The following GLRA3 variants were observed in gnomAD, a reference collection of about 807,000 sequenced individuals.
The protein encoded by GLRA3 is glycine receptor subunit alpha-3.
A neutral mutation model predicts 60.4 loss-of-function variants in GLRA3; 44 were observed. The ratio of observed to expected loss-of-function variants is 0.73; its 90% CI spans 0.57 to 0.94. The LOEUF is 0.94. Among genes scored for constraint, GLRA3 ranks in the 40% least tolerant of loss-of-function variants. GLRA3 has a pLI of 0.00. For synonymous variants in GLRA3, 223 were observed against 192.9 expected (o/e 1.16, Z -1.29); for missense variants, 508 against 564.6 (o/e 0.90, Z 1.02).
At chr4:174,794,631 G>A (rs1248829606) in intron 1 of GLRA3, among the ~76,000 whole-genome samples, 2 of 152,084 alleles carry the variant, frequency 1.3e-5, no homozygotes, top group East Asian at 1.9e-4. Context: ...GATAGTTATT[G>A]TTTAAATATG....
chr4:174,746,322 T>C (rs1366945985), intron 3 of GLRA3, among the ~76,000 whole-genome samples: 1 of 152,128 alleles, frequency 6.6e-6, no homozygotes, highest in African/African-American at 2.4e-5. Flanking sequence ...TAAAAAAAGT[T>C]TGAAATAATT....
chr4:174,767,155 C>G (rs1579573947), intron 2 of GLRA3, 125 bp from the exon 3 acceptor site: 7 of 445,068 alleles, frequency 1.6e-5, no homozygotes, highest in Non-Finnish European at 2.8e-5. Context: ...CACACACACA[C>G]AGATGCTTAA....
chr4:174,688,009 A>T (rs1237155478), intron 5 of GLRA3, among the ~76,000 whole-genome samples: 7 of 152,006 alleles, frequency 4.6e-5, no homozygotes. Flanking sequence ...AAAACAAAAC[A>T]AAACGAAAAC....
chr4:174,671,672 C>T (rs1253916402), intron 7 of GLRA3, among the ~76,000 whole-genome samples: 1 of 151,962 alleles, frequency 6.6e-6, no homozygotes, highest in African/African-American at 2.4e-5. Context: ...TTTTTTGAGA[C>T]AGAGTCTCAT....
intron 1 of GLRA3, among the ~76,000 whole-genome samples, chr4:174,818,351 T>C (rs1044178155): frequency 3.3e-5 from 5 of 152,218 alleles, no homozygotes; most frequent in African/African-American, 1.2e-4. Context: ...TTTTCCAGTG[T>C]AATATTTGAT....
intron 9 of GLRA3, among the ~76,000 whole-genome samples, chr4:174,647,656 G>C (rs547227003): frequency 6.6e-6 from 1 of 152,006 alleles, no homozygotes; most frequent in Non-Finnish European, 1.5e-5. Flanking sequence ...CCATGTGTGT[G>C]ATTTTAATTT....
chr4:174,809,168 A>G (rs1359000506), intron 1 of GLRA3, among the ~76,000 whole-genome samples: 2 of 152,190 alleles, frequency 1.3e-5, no homozygotes, highest in Non-Finnish European at 2.9e-5. Flanking sequence ...TTCTATGTTT[A>G]GATATGTTTA....
chr4:174,676,833 A>G (rs2110952872), intron 7 of GLRA3, among the ~76,000 whole-genome samples: 1 of 152,280 alleles, frequency 6.6e-6, no homozygotes, highest in East Asian at 1.9e-4. Flanking sequence ...GTATAAGAGT[A>G]TTATTGATAT....
At chr4:174,656,468 A>G (rs1022454445) in intron 9 of GLRA3, among the ~76,000 whole-genome samples, 1 of 152,096 alleles carries the variant, frequency 6.6e-6, no homozygotes, top group Non-Finnish European at 1.5e-5. Context: ...TCTCTTTAAC[A>G]TATATTTTTA....
At chr4:174,738,706 T>A (rs890109644) in intron 3 of GLRA3, among the ~76,000 whole-genome samples, 1 of 152,228 alleles carries the variant, frequency 6.6e-6, no homozygotes. Context: ...GCTTGCTATT[T>A]ATACTCGAAT....
intron 3 of GLRA3, among the ~76,000 whole-genome samples, chr4:174,745,418 G>A (rs1737204513): frequency 1.3e-5 from 2 of 152,064 alleles, no homozygotes; most frequent in Admixed American, 1.3e-4. Context: ...CACCCCTAAA[G>A]TAGTTACCGT....
chr4:174,804,369 T>G (rs1473097077), intron 1 of GLRA3, among the ~76,000 whole-genome samples: 2 of 152,132 alleles, frequency 1.3e-5, no homozygotes, highest in African/African-American at 4.8e-5. Flanking sequence ...TACCTGATCA[T>G]GTAGTGCCTT....
chr4:174,741,190 G>A (rs66758600), intron 3 of GLRA3, among the ~76,000 whole-genome samples: 29,302 of 152,102 alleles, frequency 0.19, 3,184 homozygotes, highest in Admixed American at 0.26. Flanking sequence ...TTGCACTTCC[G>A]TCAATTATAT....
intron 1 of GLRA3, among the ~76,000 whole-genome samples, chr4:174,812,821 T>G (rs1362258974): frequency 6.6e-6 from 1 of 152,192 alleles, no homozygotes; most frequent in African/African-American, 2.4e-5. Context: ...TTCTCTCCTT[T>G]TCTCACCCTT....
intron 5 of GLRA3, among the ~76,000 whole-genome samples, chr4:174,691,545 C>T (rs1734805306): frequency 6.6e-6 from 1 of 152,222 alleles, no homozygotes; most frequent in Non-Finnish European, 1.5e-5. Flanking sequence ...GCGCGCGCCG[C>T]CACGCCTGAC....
At chr4:174,660,688 A>C (rs1410485070) in intron 7 of GLRA3, among the ~76,000 whole-genome samples, 1 of 152,222 alleles carries the variant, frequency 6.6e-6, no homozygotes, top group African/African-American at 2.4e-5. Flanking sequence ...TATTACAATG[A>C]TGGTTACTCA....
intron 7 of GLRA3, among the ~76,000 whole-genome samples, chr4:174,668,214 C>T (rs1489321065): frequency 6.6e-6 from 1 of 152,136 alleles, no homozygotes; most frequent in African/African-American, 2.4e-5. Flanking sequence ...AATTAATCCT[C>T]TTTTCTTTAT....
chr4:174,678,856 A>G (rs1734228998), intron 6 of GLRA3, among the ~76,000 whole-genome samples: 1 of 152,202 alleles, frequency 6.6e-6, no homozygotes, highest in South Asian at 2.1e-4. Flanking sequence ...GAATAACTGA[A>G]ACATATTTAT....
intron 1 of GLRA3, among the ~76,000 whole-genome samples, chr4:174,798,944 T>C (rs925621028): frequency 6.6e-6 from 1 of 151,752 alleles, no homozygotes; most frequent in African/African-American, 2.4e-5. Context: ...AAAAAAAAGA[T>C]TTTTAAAACA....
Sources: allele counts gnomAD v4.1 joint callset (sites outside exome capture counted in the v4.1 genomes callset), GRCh38; gene constraint gnomAD v4.1.1; transcripts MANE v1.5; gene names NCBI Gene and HGNC (gene_info 2026-07-23, HGNC 2026-07-21).